Variants in SYNE2 observed in about 807,000 individuals in gnomAD.
The protein encoded by SYNE2 is nesprin-2.
SYNE2 carries 431 observed loss-of-function variants against 856.3 expected under a neutral mutation model. That is an observed-to-expected ratio of 0.50 (90% confidence interval 0.47 to 0.55). SYNE2 has a LOEUF of 0.55. Ranked by LOEUF, SYNE2 falls within the 20% of genes least tolerant of loss-of-function variation. SYNE2 has a pLI of 0.00. For missense variants in SYNE2, 8,129 were observed against 8,023.2 expected, an observed-to-expected ratio of 1.01 and a Z score of -0.50; for synonymous variants, 2,923 against 2,872.3, an observed-to-expected ratio of 1.02 and a Z score of -0.56.
Position 64,138,066 on chromosome 14 carries a change from C to T in SYNE2, c.14843+83C>T, listed in dbSNP as rs961155180. On this transcript the variant is annotated intron_variant, in intron 79 of 115. Coordinates refer to ENST00000555002, the MANE Select transcript of SYNE2 (RefSeq NM_182914.3). ...GATTCTGTAGTCAACTAAATTTTAC[C>T]TGCAACCCACCTTATGCTGTTTTTT... The T allele has an allele frequency of 4.5e-5, 67 of 1,472,920 alleles. 2 individuals carry two copies. The South Asian group carries it at 8.2e-4, about 18-fold the overall frequency. The allele number at this position is 1,472,920 out of a possible 1,614,324, so 91.2% of individuals were successfully genotyped here.
At chr14:64,211,424 G>A (rs1442533642) in intron 103 of SYNE2, among the ~76,000 whole-genome samples, 2 of 152,182 alleles carry the variant, frequency 1.3e-5, no homozygotes, top group Non-Finnish European at 2.9e-5. Flanking sequence ...CAACTGCTCT[G>A]AGTCTTCTTT....
At chr14:63,866,435 G>A in intron 1 of SYNE2, among the ~76,000 whole-genome samples, 1 of 152,074 alleles carries the variant, frequency 6.6e-6, no homozygotes. Context: ...GGCAAAGGTG[G>A]GAAAATCGCT....
In SYNE2 at chr14:64,031,325, G is replaced by T; in HGVS notation, c.7189G>T (p.Glu2397Ter). ...QESTQESAAV[E>*]KLEEDWEINK... The stretch of plus-strand genomic sequence containing the variant: ...GTCTACTCAGGAATCAGCTGCAGTG[G>T]AAAAGTTGGAGGAAGACTGGGAAAT... The change falls in exon 45 of 116, where the codon GAA (glutamate) becomes TAA (stop). Residue 2397 changes from glutamate to a stop codon, truncating the protein, a stop_gained. Transcript: ENST00000555002. LOFTEE classifies it high-confidence loss of function. 2 of 1,614,096 alleles carry T rather than the reference G, an allele frequency of 1.2e-6. No homozygotes were observed. The highest frequency in any genetic ancestry group is 1.7e-6 in the Non-Finnish European group (2 of 1,179,996).
intron 8 of SYNE2, among the ~76,000 whole-genome samples, chr14:63,956,232 G>A (rs763745918): frequency 6.6e-5 from 10 of 152,144 alleles, no homozygotes; most frequent in Non-Finnish European, 1.2e-4. Flanking sequence ...AGAAAAAGAT[G>A]TGCAGTACCC....
chr14:63,996,114 A>G (rs2096712265), intron 23 of SYNE2, among the ~76,000 whole-genome samples: 1 of 152,296 alleles, frequency 6.6e-6, no homozygotes, highest in South Asian at 2.1e-4. Context: ...AACGAATAAT[A>G]TCTCCTCTCA....
intron 78 of SYNE2, among the ~76,000 whole-genome samples, chr14:64,136,279 G>C (rs2098087835): frequency 8.9e-6 from 1 of 112,144 alleles, no homozygotes; most frequent in Non-Finnish European, 1.6e-5. Context: ...GACAGAGCGA[G>C]ACTTCATCTC....
Position 64,016,619 on chromosome 14 carries a change from T to C in SYNE2, c.4875T>C (p.Asp1625=). 1.3e-6 allele frequency: 2 copies of C among 1,595,132 alleles called. No homozygotes were observed. Among genetic ancestry groups the C allele is most frequent in the Non-Finnish European group, 1.7e-6 (2 of 1,166,462 alleles). The stretch of plus-strand genomic sequence containing the variant: ...AAAAAGAGGCTAATATTATTGTGGA[T>C]AGATGGCTTGATGTAAGTGATAATT... ...PFEKEANIIV[D]RWLDINEKTE... is the part of the protein sequence containing the mutation. The change falls in exon 33 of 116, where the codon GAT becomes GAC. Residue 1625 remains aspartate (D), a synonymous_variant. Transcript: ENST00000555002.
At chr14:64,188,216 G>A (rs184242642) in intron 97 of SYNE2, among the ~76,000 whole-genome samples, 1 of 152,284 alleles carries the variant, frequency 6.6e-6, no homozygotes, top group Admixed American at 6.5e-5. Context: ...GTTGTTATAA[G>A]GGCAAGGATT....
At chr14:63,859,186 G>T (rs1254875393) in intron 1 of SYNE2, among the ~76,000 whole-genome samples, 1 of 152,152 alleles carries the variant, frequency 6.6e-6, no homozygotes, top group African/African-American at 2.4e-5. Flanking sequence ...TCTCAATAGA[G>T]AATTATTCAG....
intron 112 of SYNE2, 74 bp from the exon 113 acceptor site, chr14:64,223,115 G>A: frequency 6.4e-7 from 1 of 1,553,762 alleles, no homozygotes; most frequent in Non-Finnish European, 8.9e-7. Flanking sequence ...TTCTGGTACT[G>A]AGAAAAACCT....
At chr14:64,038,207 G>A (rs867664078) in intron 45 of SYNE2, among the ~76,000 whole-genome samples, 2,835 of 148,368 alleles carry the variant, frequency 0.019, no homozygotes, top group African/African-American at 0.07. Context: ...GACGATGGGC[G>A]GCCGGGCAGA....
intron 1 of SYNE2, among the ~76,000 whole-genome samples, chr14:63,857,489 A>G (rs1421747500): frequency 6.6e-6 from 1 of 152,188 alleles, no homozygotes; most frequent in Non-Finnish European, 1.5e-5. Context: ...GTAGATGTCT[A>G]GGAGTAGAAT....
intron 23 of SYNE2, among the ~76,000 whole-genome samples, chr14:63,996,244 T>C (rs147393370): frequency 6.6e-6 from 1 of 152,312 alleles, no homozygotes; most frequent in African/African-American, 2.4e-5. Context: ...CCAAGCCCCA[T>C]CTGGGATTCT....
chr14:63,954,704 G>T lies in SYNE2; in HGVS notation c.591-15G>T, dbSNP rs777759540. The T allele has an allele frequency of 6.2e-7, 1 of 1,612,278 alleles. No homozygotes were observed. Among genetic ancestry groups the T allele is most frequent in the Non-Finnish European group, 8.5e-7 (1 of 1,178,654 alleles). On this transcript the variant is annotated splice_polypyrimidine_tract_variant and intron_variant, in intron 7 of 115. Coordinates refer to ENST00000555002, the MANE Select transcript of SYNE2 (RefSeq NM_182914.3). ...TTTTAATGGTATTTGTCATGTTTTT[G>T]TCTTTTTATGATAGCTATGAGTCTG...
chr14:64,121,922 C>A, intron 68 of SYNE2, 90 bp from the exon 69 acceptor site: 1 of 1,551,814 alleles, frequency 6.4e-7, no homozygotes. Context: ...GGAACTGGCT[C>A]AAAATTAGAT....
In SYNE2 at chr14:64,212,924, G is replaced by A. The variant is rs1270456524; in HGVS notation, c.18975G>A (p.Glu6325=). The A allele has an allele frequency of 6.2e-7, 1 of 1,614,224 alleles. No homozygotes were observed. Among genetic ancestry groups the A allele is most frequent in the South Asian group, 1.1e-5 (1 of 91,090 alleles). ...TGGATGCTGTGCTGATTGAGGATGA[G>A]CTGGAGGAACTCCACCGCTACTGCC... ...EPLDAVLIED[E]LEELHRYCQE... Residue 6325 remains glutamate (E), a synonymous_variant, in exon 105 of 116, where the codon GAG becomes GAA. Transcript: ENST00000555002.
In SYNE2 at chr14:64,024,898, T is replaced by TAATG. The variant is rs775690568; in HGVS notation, c.5841-13_5841-10dup. 3 of 1,613,690 alleles carry TAATG rather than the reference T, an allele frequency of 1.9e-6. No individual in the cohort carries two copies. The Admixed American group carries it at 5.0e-5, about 27-fold the overall frequency. ...TGCTTATTTTGTATTTAAACATGTG[T>TAATG]AATGCTCTTTTAGACTCCAGGATGA... is the stretch of plus-strand genomic sequence containing the variant. On this transcript the variant is annotated splice_polypyrimidine_tract_variant and intron_variant, in intron 39 of 115. Coordinates refer to ENST00000555002, the MANE Select transcript of SYNE2 (RefSeq NM_182914.3).
At chr14:64,181,019 A>G (rs1267780354) in intron 96 of SYNE2, among the ~76,000 whole-genome samples, 1 of 151,718 alleles carries the variant, frequency 6.6e-6, no homozygotes, top group African/African-American at 2.4e-5. Flanking sequence ...TCGTTTATGT[A>G]TTTTTTTGGG....
intron 96 of SYNE2, 105 bp downstream of exon 96, chr14:64,177,588 C>T: frequency 6.9e-7 from 1 of 1,440,252 alleles, no homozygotes; most frequent in African/African-American, 1.4e-5. Flanking sequence ...TTTTCATTTT[C>T]AATCAGAAAA....
Sources: gnomAD v4.1 joint callset for allele counts (sites outside exome capture counted in the v4.1 genomes callset) on GRCh38, gnomAD v4.1.1 for gene constraint, MANE v1.5 for transcripts, NCBI Gene and HGNC (gene_info 2026-07-23, HGNC 2026-07-21) for gene names.